The following GRIN3B variants were observed in gnomAD, a reference collection of about 807,000 sequenced individuals.
GRIN3B encodes glutamate ionotropic receptor NMDA type subunit 3B.
A neutral mutation model predicts 66.0 loss-of-function variants in GRIN3B; 77 were observed. The ratio of observed to expected loss-of-function variants is 1.17; its 90% CI spans 0.97 to 1.41. GRIN3B has a LOEUF of 1.41. GRIN3B is among the 40% of genes most tolerant of loss of function. GRIN3B has a pLI of 0.00. For missense variants in GRIN3B, 1,787 were observed against 1,564.5 expected (o/e 1.14, Z -2.40); for synonymous variants, 823 against 749.7 (o/e 1.10, Z -1.60).
chr19:1,004,033 G>A (rs2038712827), intron 2 of GRIN3B, among the ~76,000 whole-genome samples: 1 of 152,238 alleles, frequency 6.6e-6, no homozygotes, highest in Non-Finnish European at 1.5e-5. Context: ...AGGCTGCTGT[G>A]AGCTGAGATC....
Position 1,005,226 on chromosome 19 carries a change from G to A in GRIN3B, c.1725G>A (p.Trp575Ter), listed in dbSNP as rs2038734057. The A allele has an allele frequency of 5.6e-6, 9 of 1,613,358 alleles. No individual in the cohort carries two copies. Among genetic ancestry groups the A allele is most frequent in the South Asian group, 1.1e-5 (1 of 91,084 alleles). ...GTGCCTTTATGTGGCCCCTGCACTG[G>A]TCCACGTGGCTGGGCGTCTTTGCGG... ...PIGAFMWPLHWSTWLGVFAAL... is the reference protein window; with the variant it reads ...PIGAFMWPLH The change falls in exon 3 of 9, where the codon TGG becomes TGA. Residue 575 changes from tryptophan (W) to a stop codon, truncating the protein, a stop_gained. Transcript: ENST00000234389. LOFTEE classifies it high-confidence loss of function. The surrounding 1 kb of genome is among the most constrained non-coding windows in gnomAD (Gnocchi z 5.2).
chr19:1,003,950 G>T (rs535075950), intron 2 of GRIN3B, among the ~76,000 whole-genome samples: 1 of 152,244 alleles, frequency 6.6e-6, no homozygotes, highest in African/African-American at 2.4e-5. Context: ...TTAGCTGGGC[G>T]TGGTGACACG....
At position 1,000,619 on chromosome 19, in the gene GRIN3B, C is replaced by T; in HGVS notation, c.182C>T (p.Ala61Val). The T allele has an allele frequency of 2.6e-6, 3 of 1,156,226 alleles. No homozygotes were observed. The highest frequency in any genetic ancestry group is 3.2e-6 in the Non-Finnish European group (3 of 942,112). The allele number at this position is 1,156,226 out of a possible 1,614,324, so 71.6% of individuals were successfully genotyped here. A position where few individuals can be genotyped will look rare whatever the true frequency, so the allele number is the denominator to read the frequency against. Residue 61 changes from alanine to valine, a missense_variant, in exon 1 of 9, where the codon GCC (alanine) becomes GTC (valine). Physicochemically the swap from Ala to Val is moderately conservative, Grantham distance 64. Coordinates refer to ENST00000234389, the MANE Select transcript of GRIN3B (RefSeq NM_138690.3). ...ARARAALARA[A>V]LAPRLPHNLS... is the part of the protein sequence containing the mutation. Reference sequence around the variant, plus strand: ...GCCCGCGCCGCCCTGGCCCGGGCCGCCCTGGCGCCGCGGCTGCCGCACAAC... The same window carrying T: ...GCCCGCGCCGCCCTGGCCCGGGCCGTCCTGGCGCCGCGGCTGCCGCACAAC...
In GRIN3B at chr19:1,008,883, G is replaced by C; in HGVS notation, c.2658G>C (p.Glu886Asp). 6.2e-7 allele frequency: 1 copy of C among 1,610,770 alleles called. No homozygotes were observed. Among genetic ancestry groups the C allele is most frequent in the Non-Finnish European group, 8.5e-7 (1 of 1,178,870 alleles). The change falls in exon 8 of 9, where the codon GAG becomes GAC. Residue 886 changes from glutamate (E) to aspartate (D), a missense_variant. By Grantham distance (45) the Glu-to-Asp change is conservative. Coordinates refer to ENST00000234389, the MANE Select transcript of GRIN3B (RefSeq NM_138690.3). Reference sequence around the variant, plus strand: ...AAATCCACCGCGCCCTCAACACGGAGCCACCAGAGGGGTCGAAGGAGGAGA... The same window carrying C: ...AAATCCACCGCGCCCTCAACACGGACCCACCAGAGGGGTCGAAGGAGGAGA... The part of the protein sequence containing the change: ...SQKIHRALNT[E>D]PPEGSKEETA...
At position 1,008,707 on chromosome 19, in the gene GRIN3B, G is replaced by A. The variant is rs1157804441; in HGVS notation, c.2556G>A (p.Glu852=). ...LGSALLSSLG[E]HAFFRLALPR... ...GCGCTCTGCTCAGCTCGCTGGGCGA[G>A]CACGCCTTCTTCCGCCTGGCGCTGC... The change falls in exon 7 of 9, where the codon GAG becomes GAA. Residue 852 remains glutamate, a synonymous_variant. Coordinates refer to ENST00000234389, the MANE Select transcript of GRIN3B (RefSeq NM_138690.3). 6.2e-7 allele frequency: 1 copy of A among 1,608,236 alleles called. No homozygotes were observed. Among genetic ancestry groups the A allele is most frequent in the Non-Finnish European group, 8.5e-7 (1 of 1,179,470 alleles).
At position 1,003,289 on chromosome 19, in the gene GRIN3B, G is replaced by A. The variant is rs1395175750; in HGVS notation, c.586G>A (p.Gly196Ser). 1 of 1,571,754 alleles carries A rather than the reference G, an allele frequency of 6.4e-7. No individual in the cohort carries two copies. The highest frequency in any genetic ancestry group is 1.2e-5 in the South Asian group (1 of 85,810). The change falls in exon 2 of 9, where the codon GGC (glycine) becomes AGC (serine). Residue 196 changes from glycine to serine, a missense_variant. Transcript: ENST00000234389. Reference sequence around the variant, plus strand: ...GGTGGCCCTCTGGACAAGCCGGGCTGGCCGGCCCCCACAGCTGGTCCTGGA... The same window carrying A: ...GGTGGCCCTCTGGACAAGCCGGGCTAGCCGGCCCCCACAGCTGGTCCTGGA... ...GLVALWTSRA[G>S]RPPQLVLDLS...
intron 6 of GRIN3B, 82 bp downstream of exon 6, chr19:1,008,373 G>A: frequency 1.5e-6 from 2 of 1,306,648 alleles, no homozygotes; most frequent in Non-Finnish European, 2.1e-6. Context: ...ACCAACCCCA[G>A]TGCTCATTCC....
At position 1,005,023 on chromosome 19, in the gene GRIN3B, C is replaced by T. The variant is rs1346110649; in HGVS notation, c.1522C>T (p.Leu508=). The change falls in exon 3 of 9, where the codon CTG becomes TTG. Residue 508 remains leucine (L), a synonymous_variant. Coordinates refer to ENST00000234389, the MANE Select transcript of GRIN3B (RefSeq NM_138690.3). The surrounding 1 kb of genome is among the most constrained non-coding windows in gnomAD (Gnocchi z 5.2). ...CGTGGGTGACGGCAAGTACGGCGCC[C>T]TGCGGGACGGCCGCTGGACCGGCCT... is the stretch of plus-strand genomic sequence containing the variant. The part of the protein sequence containing the change: ...YLVGDGKYGA[L]RDGRWTGLVG... 9 of 1,611,920 alleles carry T rather than the reference C, an allele frequency of 5.6e-6. No individual in the cohort carries two copies. Among genetic ancestry groups the T allele is most frequent in the Non-Finnish European group, 7.6e-6 (9 of 1,179,446 alleles).
At position 1,009,184 on chromosome 19, in the gene GRIN3B, TGG is replaced by T. The variant is rs1358617214; in HGVS notation, c.2715_2716del (p.Glu906AlafsTer89). The T allele has an allele frequency of 6.8e-7, 1 of 1,471,526 alleles. No individual in the cohort carries two copies. The highest frequency in any genetic ancestry group is 1.5e-5 in the African/African-American group (1 of 68,010). 91.2% of individuals were successfully genotyped at this position (1,471,526 alleles called of 1,614,324 possible). On this transcript the variant is annotated frameshift_variant, in exon 9 of 9. Coordinates refer to ENST00000234389, the MANE Select transcript of GRIN3B (RefSeq NM_138690.3). LOFTEE classifies it low-confidence loss of function (END_TRUNC). ...GGTTCCGTCCCCAGCGGCCCCGAGG[TGG>T]AGCAGCAGCAGCAGCAGCAGGACCA...
chr19:1,009,286 AG>A lies in GRIN3B; in HGVS notation c.2817del (p.Glu939AspfsTer146), dbSNP rs2038810813. On this transcript the variant is annotated frameshift_variant, in exon 9 of 9. Coordinates refer to ENST00000234389, the MANE Select transcript of GRIN3B (RefSeq NM_138690.3). LOFTEE classifies it low-confidence loss of function (END_TRUNC). ...DKERRVRFLL[E>X]PAVVVAPEAD... ...GAGCGCCGCGTGCGCTTCCTGCTGG[AG>A]CCCGCCGTGGTTGTGGCACCCGAAG... 3 of 1,411,718 alleles carry A rather than the reference AG, an allele frequency of 2.1e-6. No individual in the cohort carries two copies. The highest frequency in any genetic ancestry group is 1.8e-6 in the Non-Finnish European group (2 of 1,093,458). The allele number at this position is 1,411,718 out of a possible 1,614,324, so 87.4% of individuals were successfully genotyped here.
chr19:1,006,470 C>CA (rs2038750370), intron 3 of GRIN3B, among the ~76,000 whole-genome samples: 1 of 151,884 alleles, frequency 6.6e-6, no homozygotes, highest in Non-Finnish European at 1.5e-5. Context: ...TTTTTTGAGA[C>CA]AGAGTCTCAC....
Position 1,004,661 on chromosome 19 carries a change from G to A in GRIN3B, c.1160G>A (p.Gly387Asp). Residue 387 changes from glycine (G) to aspartate (D), a missense_variant, in exon 3 of 9, where the codon GGC becomes GAC. Coordinates refer to ENST00000234389, the MANE Select transcript of GRIN3B (RefSeq NM_138690.3). ...PRGAPAWATV[G>D]SWRDGQLDLE... ...GGCGCCCCGGCCTGGGCCACGGTGG[G>A]CAGCTGGCGGGACGGCCAGCTGGAC... 6.3e-7 allele frequency: 1 copy of A among 1,598,692 alleles called. No individual in the cohort carries two copies. Among genetic ancestry groups the A allele is most frequent in the Non-Finnish European group, 8.5e-7 (1 of 1,173,128 alleles).
chr19:1,008,782 G>C lies in GRIN3B; in HGVS notation c.2631G>C (p.Gln877His). Residue 877 changes from glutamine to histidine, a missense_variant and splice_region_variant, in exon 7 of 9, where the codon CAG (glutamine) becomes CAC (histidine). Coordinates refer to ENST00000234389, the MANE Select transcript of GRIN3B (RefSeq NM_138690.3). ...SRLQYWLHTSQKIHRALNTEP... is the reference protein window; with the variant it reads ...SRLQYWLHTSHKIHRALNTEP... Reference sequence around the variant, plus strand: ...TGCAGTACTGGCTGCACACCAGCCAGGTGGGGAGCGGGTGGGCGGCGGGCG... The same window carrying C: ...TGCAGTACTGGCTGCACACCAGCCACGTGGGGAGCGGGTGGGCGGCGGGCG... 1 of 1,599,710 alleles carries C rather than the reference G, an allele frequency of 6.3e-7. No individual in the cohort carries two copies. The highest frequency in any genetic ancestry group is 1.1e-5 in the South Asian group (1 of 89,992).
At position 1,007,785 on chromosome 19, in the gene GRIN3B, C is replaced by A. The variant is rs985596018; in HGVS notation, c.2198+12C>A. On this transcript the variant is annotated intron_variant, in intron 4 of 8. Coordinates refer to ENST00000234389, the MANE Select transcript of GRIN3B (RefSeq NM_138690.3). The surrounding 1 kb of genome is among the most constrained non-coding windows in gnomAD (Gnocchi z 4.4). ...GTCGCCATGCTCACGTGAGCCCGGG[C>A]GCGGGGTGAGGCGGGGGCGGGGCGT... 20 of 1,512,484 alleles carry A rather than the reference C, an allele frequency of 1.3e-5. No individual in the cohort carries two copies. The South Asian group carries it at 1.9e-4, about 14-fold the overall frequency. 93.7% of individuals were successfully genotyped at this position (1,512,484 alleles called of 1,614,324 possible).
intron 6 of GRIN3B, 66 bp from the exon 7 acceptor site, chr19:1,008,552 A>G (rs2038788983): frequency 1.3e-6 from 2 of 1,535,282 alleles, no homozygotes; most frequent in African/African-American, 2.7e-5. Context: ...GTTCTCCCCT[A>G]GTTCAAGGCT....
At chr19:1,001,595 T>C (rs1056715860) in intron 1 of GRIN3B, among the ~76,000 whole-genome samples, 1 of 151,964 alleles carries the variant, frequency 6.6e-6, no homozygotes, top group African/African-American at 2.4e-5. Flanking sequence ...CCCCCTCCCG[T>C]GGCCAGCAAG....
In GRIN3B at chr19:1,003,740, T is replaced by G; in HGVS notation, c.1019+18T>G. ...TTGGCACGGTGAGTGGGGACCCTGC[T>G]TCCCTTAGGAGGGTGTCCAGGCCAC... is the stretch of plus-strand genomic sequence containing the variant. On this transcript the variant is annotated intron_variant, in intron 2 of 8. Transcript: ENST00000234389. 5.7e-6 allele frequency: 8 copies of G among 1,393,128 alleles called. No homozygotes were observed. Among genetic ancestry groups the G allele is most frequent in the Non-Finnish European group, 6.5e-6 (7 of 1,077,904 alleles). The allele number at this position is 1,393,128 out of a possible 1,614,324, so 86.3% of individuals were successfully genotyped here. A position where few individuals can be genotyped will look rare whatever the true frequency, so the allele number is the denominator to read the frequency against.
chr19:1,005,532 G>T lies in GRIN3B; in HGVS notation c.2031G>T (p.Leu677=), dbSNP rs12973948. The T allele has an allele frequency of 1.3e-5, 21 of 1,605,776 alleles. No homozygotes were observed. In the Middle Eastern group the frequency reaches 9.9e-4, roughly 76 times the overall value. The change falls in exon 3 of 9, where the codon CTG becomes CTT. Residue 677 remains leucine, a synonymous_variant. Coordinates refer to ENST00000234389, the MANE Select transcript of GRIN3B (RefSeq NM_138690.3). This position sits in a 1 kb window ranked among gnomAD's most constrained non-coding sequence, Gnocchi z 5.2. ...VMVGDKTFEE[L]SGIHDPKLHH... The stretch of plus-strand genomic sequence containing the variant: ...TCGGGGACAAGACCTTCGAGGAGCT[G>T]TCGGGGATCCACGACCCCAAGGTGG...
chr19:1,009,224 G>C lies in GRIN3B; in HGVS notation c.2754G>C (p.Pro918=). The C allele has an allele frequency of 2.7e-6, 4 of 1,465,988 alleles. No homozygotes were observed. The highest frequency in any genetic ancestry group is 3.6e-6 in the Non-Finnish European group (4 of 1,120,054). The allele number at this position is 1,465,988 out of a possible 1,614,324, so 90.8% of individuals were successfully genotyped here. Residue 918 remains proline (P), a synonymous_variant, in exon 9 of 9, where the codon CCG becomes CCC. Transcript: ENST00000234389. ...QQQQQDQPTA[P]EGWKRARRAV... ...AGCAGCAGGACCAGCCAACGGCTCC[G>C]GAGGGCTGGAAACGGGCGCGCCGGG...
Sources: gnomAD v4.1 joint callset for allele counts (sites outside exome capture counted in the v4.1 genomes callset) on GRCh38, gnomAD v4.1.1 for gene constraint, Gnocchi (gnomAD v3.1) non-coding constraint, MANE v1.5 for transcripts, NCBI Gene and HGNC (gene_info 2026-07-23, HGNC 2026-07-21) for gene names.